Variants in GSN observed in about 807,000 individuals in gnomAD.
The protein encoded by GSN is gelsolin.
GSN carries 56 observed loss-of-function variants against 85.7 expected under a neutral mutation model. The observed-to-expected ratio is 0.65, with a 90% CI of 0.53 to 0.82. The LOEUF is 0.82. Ranked by LOEUF, GSN falls within the 40% of genes least tolerant of loss-of-function variation. The pLI is 0.00. For synonymous variants in GSN, 373 were observed against 399.1 expected (o/e 0.93, Z 0.78); for missense variants, 857 against 979.8 (o/e 0.87, Z 1.67).
intron 1 of GSN, among the ~76,000 whole-genome samples, chr9:121,272,202 C>T (rs1325359967): frequency 6.6e-6 from 1 of 152,206 alleles, no homozygotes. Context: ...CTTCCCCTTC[C>T]CTCTGTCCCT....
chr9:121,282,848 G>A (rs1013082748), intron 2 of GSN: 1 of 284,060 alleles, frequency 3.5e-6, no homozygotes, highest in African/African-American at 2.2e-5. Flanking sequence ...TATGACACAG[G>A]GGCCCTGTCT....
chr9:121,329,196 G>T lies in GSN; in HGVS notation c.1888-42G>T. The stretch of plus-strand genomic sequence containing the variant: ...GGCAGATAAAGGAAGGCCACCCAGG[G>T]GAGGGAAGACATCTCACTGATGCTC... On this transcript the variant is annotated intron_variant, in intron 15 of 17. Coordinates refer to ENST00000432226, the MANE Select transcript of GSN (RefSeq NM_198252.3). The surrounding 1 kb of genome is among the most constrained non-coding windows in gnomAD (Gnocchi z 4.6). 6.6e-7 allele frequency: 1 copy of T among 1,515,720 alleles called. No homozygotes were observed. Among genetic ancestry groups the T allele is most frequent in the South Asian group, 1.1e-5 (1 of 89,126 alleles). 93.9% of individuals were successfully genotyped at this position (1,515,720 alleles called of 1,614,324 possible). A position where few individuals can be genotyped will look rare whatever the true frequency, so the allele number is the denominator to read the frequency against.
chr9:121,304,409 G>A (rs1237958239), intron 4 of GSN, among the ~76,000 whole-genome samples: 1 of 152,192 alleles, frequency 6.6e-6, no homozygotes, highest in East Asian at 1.9e-4. Flanking sequence ...GAGAAGTTTG[G>A]GAGCCAGTCC....
chr9:121,306,595 T>A (rs1329195483), intron 4 of GSN, among the ~76,000 whole-genome samples: 1 of 152,228 alleles, frequency 6.6e-6, no homozygotes, highest in Non-Finnish European at 1.5e-5. Context: ...GGAAAATGGC[T>A]TTTAAAACAA....
At chr9:121,319,207 C>T (rs1237699360) in intron 10 of GSN, among the ~76,000 whole-genome samples, 1 of 152,142 alleles carries the variant, frequency 6.6e-6, no homozygotes, top group Non-Finnish European at 1.5e-5. Context: ...GTCAGGGCAG[C>T]CTGCACAGAG....
chr9:121,299,992 T>G lies in GSN; in HGVS notation c.-9-1971T>G, dbSNP rs781621950. On this transcript the variant is annotated intron_variant, in intron 2 of 17. Coordinates refer to ENST00000432226, the MANE Select transcript of GSN (RefSeq NM_198252.3). This position sits in a 1 kb window ranked among gnomAD's most constrained non-coding sequence, Gnocchi z 4.2. ...CAGGCGGGGGCGCCCCAGGGGCGGG[T>G]GCCCGAGGCGCGGGTGAGTGCCCGG... The G allele has an allele frequency of 1.4e-5, 19 of 1,403,346 alleles. No homozygotes were observed. Among genetic ancestry groups the G allele is most frequent in the Middle Eastern group, 2.2e-4 (1 of 4,492 alleles). 86.9% of individuals were successfully genotyped at this position (1,403,346 alleles called of 1,614,324 possible).
At chr9:121,307,482 G>A (rs1589013770) in intron 4 of GSN, among the ~76,000 whole-genome samples, 2 of 152,172 alleles carry the variant, frequency 1.3e-5, no homozygotes, top group South Asian at 4.1e-4. Context: ...GAGTTCCTAG[G>A]CTGACAGTTG....
At chr9:121,250,204 T>C (rs902007979) in intron 6 of GSN, among the ~76,000 whole-genome samples, 14 of 99,848 alleles carry the variant, frequency 1.4e-4, no homozygotes, top group East Asian at 5.5e-4. Flanking sequence ...ATCCTTCTCT[T>C]TTTTTTTTTT....
chr9:121,268,747 A>T (rs1321426560), intron 1 of GSN, among the ~76,000 whole-genome samples: 1 of 152,058 alleles, frequency 6.6e-6, no homozygotes, highest in Non-Finnish European at 1.5e-5. Context: ...GGCGCCTGCT[A>T]CCTGTAGGTG....
intron 4 of GSN, among the ~76,000 whole-genome samples, chr9:121,218,652 G>A (rs1448096492): frequency 6.6e-6 from 1 of 152,096 alleles, no homozygotes; most frequent in Non-Finnish European, 1.5e-5. Context: ...ATAAAGAAAG[G>A]AGGAAACGTA....
chr9:121,238,862 A>G, intron 5 of GSN: 1 of 529,306 alleles, frequency 1.9e-6, no homozygotes, highest in Admixed American at 2.0e-5. Flanking sequence ...TGGCTTGTAC[A>G]TCCTTCCCAA....
At chr9:121,320,214 A>C (rs905197997) in intron 10 of GSN, among the ~76,000 whole-genome samples, 2 of 152,216 alleles carry the variant, frequency 1.3e-5, no homozygotes, top group Admixed American at 6.5e-5. Flanking sequence ...CCGTGTCTCC[A>C]TAGCTCCACC....
rs892710912 is a variant in GSN, at chr9:121,324,042, G to A, written c.1326-512G>A. Among the ~76,000 whole-genome samples the A allele has an allele frequency of 2.6e-5, 4 of 152,302 alleles. No homozygotes were observed. The South Asian group carries it at 6.2e-4, about 24-fold the overall frequency. ...AATATGCAAAGAGGTGGGATAGAAA[G>A]GCAAAATCCCCCTAAATCTTCCCTC... On this transcript the variant is annotated intron_variant, in intron 11 of 17. Coordinates refer to ENST00000432226, the MANE Select transcript of GSN (RefSeq NM_198252.3).
chr9:121,249,965 G>A (rs551526471), intron 6 of GSN, among the ~76,000 whole-genome samples: 3 of 152,288 alleles, frequency 2.0e-5, no homozygotes, highest in African/African-American at 4.8e-5. Context: ...TCTATGCTCA[G>A]GGAGAAACAG....
chr9:121,262,158 G>A (rs1057192613), intron 6 of GSN, among the ~76,000 whole-genome samples: 25 of 152,126 alleles, frequency 1.6e-4, no homozygotes, highest in African/African-American at 5.6e-4. Context: ...AGATCCTAAC[G>A]TTGTCGAGAT....
intron 5 of GSN, chr9:121,312,104 A>G (rs2061214563): frequency 3.9e-6 from 2 of 516,716 alleles, no homozygotes; most frequent in African/African-American, 3.9e-5. Context: ...TTCTAGATGT[A>G]GTTGTACCTG....
At chr9:121,247,471 C>T (rs1002567609) in intron 5 of GSN, among the ~76,000 whole-genome samples, 1 of 152,230 alleles carries the variant, frequency 6.6e-6, no homozygotes, top group Non-Finnish European at 1.5e-5. Flanking sequence ...TGAGAACATC[C>T]TGACTCACAC....
chr9:121,300,822 A>T (rs1425794369), intron 2 of GSN, among the ~76,000 whole-genome samples: 1 of 151,760 alleles, frequency 6.6e-6, no homozygotes, highest in Admixed American at 6.6e-5. Flanking sequence ...GGCCACTTGG[A>T]CTCAGCCATT....
chr9:121,331,447 T>C lies in GSN; in HGVS notation c.2025T>C (p.Ser675=). 7.1e-7 allele frequency: 1 copy of C among 1,402,420 alleles called. No individual in the cohort carries two copies. The highest frequency in any genetic ancestry group is 9.8e-7 in the Non-Finnish European group (1 of 1,024,522). 86.9% of individuals were successfully genotyped at this position (1,402,420 alleles called of 1,614,324 possible). A position where few individuals can be genotyped will look rare whatever the true frequency, so the allele number is the denominator to read the frequency against. Residue 675 remains serine, a splice_region_variant and synonymous_variant, in exon 17 of 18, where the codon TCT becomes TCC. Coordinates refer to ENST00000432226, the MANE Select transcript of GSN (RefSeq NM_198252.3). ...QEEEKTEALT[S]AKRYIETDPA... ...AAGAAAAGACAGAAGCCTTGACTTC[T>C]GGTGAGGACCCGAGTGCCTGGGGGC...
Sources: allele counts gnomAD v4.1 joint callset (sites outside exome capture counted in the v4.1 genomes callset), GRCh38; gene constraint gnomAD v4.1.1; non-coding constraint Gnocchi (gnomAD v3.1); transcripts MANE v1.5; gene names NCBI Gene and HGNC (gene_info 2026-07-23, HGNC 2026-07-21).